Variants in NEDD9 observed in about 807,000 individuals in gnomAD.
NEDD9 encodes the protein enhancer of filamentation 1.
NEDD9 carries 26 observed loss-of-function variants against 76.6 expected under a neutral mutation model. The ratio of observed to expected loss-of-function variants is 0.34; its 90% confidence interval spans 0.25 to 0.47. NEDD9 has a LOEUF of 0.47. NEDD9 is among the 20% of genes least tolerant of loss of function. The pLI, the probability that NEDD9 is intolerant of heterozygous loss-of-function variation, is 1.00. For synonymous variants in NEDD9, 392 were observed against 414.2 expected (o/e 0.95, Z 0.65); for missense variants, 937 against 1,058.5 (o/e 0.89, Z 1.59).
intron 3 of NEDD9, among the ~76,000 whole-genome samples, chr6:11,305,507 G>C (rs1761159516): frequency 6.6e-6 from 1 of 152,152 alleles, no homozygotes; most frequent in Non-Finnish European, 1.5e-5. Context: ...GCCTTGGTTA[G>C]ATAGAAAAAT....
At chr6:11,218,548 G>T (rs1759044181) in intron 1 of NEDD9, among the ~76,000 whole-genome samples, 1 of 152,038 alleles carries the variant, frequency 6.6e-6, no homozygotes, top group African/African-American at 2.4e-5. Flanking sequence ...AACTCCTTAA[G>T]TTCAGAGATG....
chr6:11,325,043 T>C (rs1012604818), intron 2 of NEDD9, among the ~76,000 whole-genome samples: 6 of 152,000 alleles, frequency 3.9e-5, no homozygotes, highest in African/African-American at 9.7e-5. Flanking sequence ...AAGCCAAAGG[T>C]AGAGAGCATT....
At chr6:11,324,183 C>T (rs2113480175) in intron 2 of NEDD9, among the ~76,000 whole-genome samples, 1 of 152,314 alleles carries the variant, frequency 6.6e-6, no homozygotes. Flanking sequence ...CATTTTGTGG[C>T]TCTCTCCTGA....
At chr6:11,238,847 A>G (rs12660239) in intron 3 of NEDD9, among the ~76,000 whole-genome samples, 3,002 of 152,256 alleles carry the variant, frequency 0.02, 45 homozygotes, top group East Asian at 0.089. Flanking sequence ...GTATGAGGCT[A>G]TGGAATCTAC....
At chr6:11,336,326 A>G (rs1762160602) in intron 1 of NEDD9, among the ~76,000 whole-genome samples, 1 of 152,224 alleles carries the variant, frequency 6.6e-6, no homozygotes, top group Admixed American at 6.5e-5. Context: ...GTGTACTCAC[A>G]CAAACCCAGA....
At chr6:11,355,148 T>C (rs753814965) in intron 1 of NEDD9, among the ~76,000 whole-genome samples, 1 of 152,274 alleles carries the variant, frequency 6.6e-6, no homozygotes, top group Admixed American at 6.5e-5. Context: ...GCATATGGTA[T>C]GGTGGGTCTG....
chr6:11,259,583 CA>C (rs1181774365), intron 3 of NEDD9, among the ~76,000 whole-genome samples: 2 of 152,266 alleles, frequency 1.3e-5, no homozygotes, highest in African/African-American at 4.8e-5. Flanking sequence ...ACTGCTTATA[CA>C]GTGGAATTTT....
intron 1 of NEDD9, among the ~76,000 whole-genome samples, chr6:11,350,775 A>G (rs7748007): frequency 0.038 from 5,857 of 152,132 alleles, 423 homozygotes; most frequent in African/African-American, 0.13. Flanking sequence ...CACAGTGGGG[A>G]GACAGGTGAG....
At chr6:11,242,589 C>T (rs929715069) in intron 3 of NEDD9, among the ~76,000 whole-genome samples, 7 of 143,656 alleles carry the variant, frequency 4.9e-5, no homozygotes, top group African/African-American at 1.8e-4. Flanking sequence ...GGTCACCAGG[C>T]AAAAAAAAAA....
upstream of NEDD9, among the ~76,000 whole-genome samples, chr6:11,234,250 T>C (rs933278052): frequency 9.9e-5 from 15 of 152,198 alleles, no homozygotes; most frequent in Admixed American, 8.5e-4. Flanking sequence ...TCCTTAAGAA[T>C]CCTGCAGACT....
At chr6:11,369,465 C>T (rs561822405) in intron 1 of NEDD9, among the ~76,000 whole-genome samples, 7 of 152,318 alleles carry the variant, frequency 4.6e-5, no homozygotes, top group Admixed American at 3.9e-4. Flanking sequence ...ATTTCTCCAA[C>T]CATTGCTCCT....
chr6:11,314,393 A>C (rs1268443798), intron 2 of NEDD9, among the ~76,000 whole-genome samples: 1 of 152,198 alleles, frequency 6.6e-6, no homozygotes, highest in Non-Finnish European at 1.5e-5. Flanking sequence ...ACTTCCTTCC[A>C]AAGAAAGGAG....
intron 3 of NEDD9, among the ~76,000 whole-genome samples, chr6:11,300,047 T>C (rs141582351): frequency 3.3e-5 from 5 of 152,262 alleles, no homozygotes; most frequent in Admixed American, 1.3e-4. Context: ...AGAAGGTCTG[T>C]GATAACAAAC....
At chr6:11,335,613 T>G (rs1762141108) in intron 1 of NEDD9, among the ~76,000 whole-genome samples, 1 of 152,224 alleles carries the variant, frequency 6.6e-6, no homozygotes, top group South Asian at 2.1e-4. Flanking sequence ...TCTTCAAGCA[T>G]CTCAACAACT....
At chr6:11,262,136 A>G (rs1029306319) in intron 3 of NEDD9, among the ~76,000 whole-genome samples, 1 of 152,218 alleles carries the variant, frequency 6.6e-6, no homozygotes, top group Non-Finnish European at 1.5e-5. Flanking sequence ...CTGTGGTTTA[A>G]TGAGACCCTT....
chr6:11,258,416 C>T (rs1306348205), intron 3 of NEDD9: 1 of 152,170 alleles, frequency 6.6e-6, no homozygotes, highest in African/African-American at 2.4e-5. Flanking sequence ...AATGCTGTAA[C>T]ATGTTTGGTA....
chr6:11,201,018 T>C (rs1240407034), intron 2 of NEDD9: 7 of 1,614,160 alleles, frequency 4.3e-6, no homozygotes, highest in African/African-American at 4.0e-5. Flanking sequence ...CACTAAGAAA[T>C]AGGACACTTG....
At chr6:11,265,351 T>C (rs1760182810) in intron 3 of NEDD9, among the ~76,000 whole-genome samples, 1 of 152,250 alleles carries the variant, frequency 6.6e-6, no homozygotes, top group South Asian at 2.1e-4. Context: ...CAGGTGAAGA[T>C]TTCAGATGAG....
intron 1 of NEDD9, among the ~76,000 whole-genome samples, chr6:11,341,873 G>A (rs975641460): frequency 5.3e-5 from 8 of 152,068 alleles, no homozygotes; most frequent in Admixed American, 1.3e-4. Flanking sequence ...CCAAATGTTG[G>A]ATTTAGAAAA....
Sources: gnomAD v4.1 joint callset for allele counts (sites outside exome capture counted in the v4.1 genomes callset) on GRCh38, gnomAD v4.1.1 for gene constraint, MANE v1.5 for transcripts, NCBI Gene and HGNC (gene_info 2026-07-23, HGNC 2026-07-21) for gene names.